Variants in CHUK observed in about 807,000 individuals in gnomAD.
CHUK encodes inhibitor of nuclear factor kappa-B kinase subunit alpha.
In CHUK, 35 loss-of-function variants were observed where a neutral mutation model predicts 104.8. The ratio of observed to expected loss-of-function variants is 0.33; its 90% CI spans 0.26 to 0.44. CHUK has a LOEUF of 0.44. CHUK is among the 20% of genes least tolerant of loss of function. The pLI, the probability that CHUK is intolerant of heterozygous loss-of-function variation, is 1.00. For synonymous variants in CHUK, 276 were observed against 291.9 expected, an observed-to-expected ratio of 0.95 and a Z score of 0.56; for missense variants, 663 against 902.7, an observed-to-expected ratio of 0.73 and a Z score of 3.40.
In CHUK at chr10:100,209,576, TTATAA is replaced by T; in HGVS notation, c.1128+14_1128+18del. Reference sequence around the variant, plus strand: ...CTAGATTTCACATACTCTAGGGATATTATAATTAATTTTCTTACAACTCCATCTAG... The same window carrying T: ...CTAGATTTCACATACTCTAGGGATATTTAATTTTCTTACAACTCCATCTAG... On this transcript the variant is annotated intron_variant, in intron 10 of 20. Coordinates refer to ENST00000370397, the MANE Select transcript of CHUK (RefSeq NM_001278.5). 1 of 1,463,446 alleles carries T rather than the reference TTATAA, an allele frequency of 6.8e-7. No homozygotes were observed. Among genetic ancestry groups the T allele is most frequent in the Non-Finnish European group, 9.6e-7 (1 of 1,042,896 alleles). The allele number at this position is 1,463,446 out of a possible 1,614,324, so 90.7% of individuals were successfully genotyped here. A position where few individuals can be genotyped will look rare whatever the true frequency, so the allele number is the denominator to read the frequency against.
At chr10:100,201,137 A>C (rs1845451574) in intron 14 of CHUK, among the ~76,000 whole-genome samples, 1 of 152,164 alleles carries the variant, frequency 6.6e-6, no homozygotes, top group Non-Finnish European at 1.5e-5. Flanking sequence ...TATGATTTTG[A>C]CTGCCCCCTG....
At chr10:100,193,217 A>C in intron 19 of CHUK, 81 bp downstream of exon 19, 1 of 1,489,808 alleles carries the variant, frequency 6.7e-7, no homozygotes, top group Non-Finnish European at 9.4e-7. Context: ...AAGGCACAGA[A>C]GACTACCTTA....
At chr10:100,222,267 G>A in intron 3 of CHUK, 86 bp from the exon 4 acceptor site, 1 of 719,184 alleles carries the variant, frequency 1.4e-6, no homozygotes, top group East Asian at 2.7e-5. Context: ...TACTCTAAAA[G>A]AATATTCAAA....
In CHUK at chr10:100,190,997, A is replaced by G. The variant is rs748521954; in HGVS notation, c.2109-29T>C. 4 of 1,310,528 alleles carry G rather than the reference A, an allele frequency of 3.1e-6. 1 individual carries two copies. Among genetic ancestry groups the G allele is most frequent in the South Asian group, 2.4e-5 (2 of 84,942 alleles). 81.2% of individuals were successfully genotyped at this position (1,310,528 alleles called of 1,614,324 possible). The stretch of plus-strand genomic sequence containing the variant: ...TGAGATGAAAGAACAAAGCCTTTTC[A>G]AACTCAGGAAAAGGGCATATGAATT... On this transcript the variant is annotated intron_variant, in intron 19 of 20. Transcript: ENST00000370397.
chr10:100,222,214 T>C, intron 3 of CHUK, 33 bp from the exon 4 acceptor site: 1 of 1,228,136 alleles, frequency 8.1e-7, no homozygotes, highest in Non-Finnish European at 1.2e-6. Flanking sequence ...AAATCTGTTC[T>C]GCAAATTGCT....
intron 1 of CHUK, among the ~76,000 whole-genome samples, chr10:100,228,164 AATT>A (rs1658400126): frequency 6.6e-6 from 1 of 152,212 alleles, no homozygotes; most frequent in African/African-American, 2.4e-5. Context: ...TGATGCATGT[AATT>A]ATTATACTAT....
intron 1 of CHUK, among the ~76,000 whole-genome samples, chr10:100,228,811 C>T (rs970261866): frequency 2.6e-5 from 4 of 152,084 alleles, no homozygotes; most frequent in Admixed American, 1.3e-4. Context: ...CTAATATAGC[C>T]TTTCGTTTGA....
At position 100,193,326 on chromosome 10, in the gene CHUK, G is replaced by C. The variant is rs113123384; in HGVS notation, c.2080C>G (p.Leu694Val). Residue 694 changes from leucine to valine, a missense_variant, in exon 19 of 21, where the codon CTG becomes GTG. By Grantham distance (32) the Leu-to-Val change is conservative. This residue lies in a region of CHUK where 311 missense variants were observed against 393.4 expected (regional missense o/e 0.79). Coordinates refer to ENST00000370397, the MANE Select transcript of CHUK (RefSeq NM_001278.5). ...PPTSAEHDHS[L>V]SCVVTPQDGE... The stretch of plus-strand genomic sequence containing the variant: ...TCTTGAGGAGTTACCACACATGACA[G>C]AGAATGATCATGTTCTGCTGAAGTC... 1.1e-5 allele frequency: 17 copies of C among 1,613,978 alleles called. No individual in the cohort carries two copies. The highest frequency in any genetic ancestry group is 1.7e-5 in the Admixed American group (1 of 60,000).
intron 12 of CHUK, 31 bp from the exon 13 acceptor site, chr10:100,204,688 A>T (rs761591030): frequency 4.5e-6 from 7 of 1,544,812 alleles, no homozygotes; most frequent in Non-Finnish European, 5.3e-6. Context: ...AAAGAAAAAG[A>T]AAAAAGATAT....
At position 100,209,967 on chromosome 10, in the gene CHUK, A is replaced by G. The variant is rs1052325161; in HGVS notation, c.934-178T>C. On this transcript the variant is annotated intron_variant, in intron 9 of 20. Coordinates refer to ENST00000370397, the MANE Select transcript of CHUK (RefSeq NM_001278.5). ...TATAAAATGACATTCTGAAAACTGA[A>G]CAATTTCCTTTTCTACAATAGATGT... is the stretch of plus-strand genomic sequence containing the variant. 2.0e-5 allele frequency among the ~76,000 whole-genome samples: 3 copies of G among 152,310 alleles called. No homozygotes were observed. The East Asian group carries it at 5.8e-4, about 29-fold the overall frequency.
At position 100,193,280 on chromosome 10, in the gene CHUK, G is replaced by A. The variant is rs775089461; in HGVS notation, c.2108+18C>T. 21 of 1,613,434 alleles carry A rather than the reference G, an allele frequency of 1.3e-5. No individual in the cohort carries two copies. Among genetic ancestry groups the A allele is most frequent in the Non-Finnish European group, 1.5e-5 (18 of 1,179,540 alleles). On this transcript the variant is annotated intron_variant, in intron 19 of 20. Coordinates refer to ENST00000370397, the MANE Select transcript of CHUK (RefSeq NM_001278.5). ...TGCTATGAAAACACAGCTATCTATT[G>A]TTACAAAGTAAACCCACCCATCTTG...
intron 7 of CHUK, 60 bp downstream of exon 7, chr10:100,218,948 A>T (rs1486729210): frequency 1.9e-6 from 3 of 1,596,592 alleles, no homozygotes; most frequent in African/African-American, 1.3e-5. Context: ...AGAAAAAAAA[A>T]GACAAATGAA....
In CHUK at chr10:100,210,097, T is replaced by A. The variant is rs962973113; in HGVS notation, c.934-308A>T. Among the ~76,000 whole-genome samples, 344 of 149,186 alleles carry A rather than the reference T, an allele frequency of 2.3e-3. 1 individual carries two copies. Among genetic ancestry groups the A allele is most frequent in the African/African-American group, 7.8e-3 (318 of 40,780 alleles). On this transcript the variant is annotated intron_variant, in intron 9 of 20. Coordinates refer to ENST00000370397, the MANE Select transcript of CHUK (RefSeq NM_001278.5). ...TTTATTTATTTATTTATTTATTTTT[T>A]TTTTTTTTGAGACGGAGTCTCGCTC... is the stretch of plus-strand genomic sequence containing the variant.
At position 100,213,664 on chromosome 10, in the gene CHUK, G is replaced by T. The variant is rs1845786810; in HGVS notation, c.934-3875C>A. ...AGCCTCCCGTGTAGCTGGGACTACA[G>T]GCATGCACCACCATCCCTGGCTAAT... is the stretch of plus-strand genomic sequence containing the variant. On this transcript the variant is annotated intron_variant, in intron 9 of 20. Transcript: ENST00000370397. Among the ~76,000 whole-genome samples, 3 of 152,054 alleles carry T rather than the reference G, an allele frequency of 2.0e-5. No individual in the cohort carries two copies. In the South Asian group the frequency reaches 6.2e-4, roughly 31 times the overall value.
intron 11 of CHUK, 121 bp downstream of exon 11, chr10:100,207,109 A>G (rs1589586372): frequency 4.4e-6 from 3 of 688,848 alleles, no homozygotes; most frequent in Non-Finnish European, 7.9e-6. Flanking sequence ...AACTCCATAT[A>G]GAAACTTCAA....
chr10:100,221,203 G>A (rs535246107), intron 4 of CHUK, among the ~76,000 whole-genome samples: 24 of 152,130 alleles, frequency 1.6e-4, no homozygotes, highest in Non-Finnish European at 3.1e-4. Flanking sequence ...TTGGGAGGCC[G>A]AGGCGGGCAG....
At position 100,207,430 on chromosome 10, in the gene CHUK, A is replaced by T. The variant is rs1845614117; in HGVS notation, c.1129-98T>A. On this transcript the variant is annotated intron_variant, in intron 10 of 20. Coordinates refer to ENST00000370397, the MANE Select transcript of CHUK (RefSeq NM_001278.5). ...CACCAGATTTCCTACTTTGAAATGC[A>T]AATGAACAAAATCAATGTGTATTAC... 4.3e-6 allele frequency: 3 copies of T among 692,204 alleles called. No individual in the cohort carries two copies. The East Asian group carries it at 8.0e-5, about 19-fold the overall frequency. The allele number at this position is 692,204 out of a possible 1,614,324, so 42.9% of individuals were successfully genotyped here. A position where few individuals can be genotyped will look rare whatever the true frequency, so the allele number is the denominator to read the frequency against.
At position 100,209,674 on chromosome 10, in the gene CHUK, C is replaced by G; in HGVS notation, c.1049G>C (p.Gly350Ala). The G allele has an allele frequency of 1.2e-6, 2 of 1,606,976 alleles. No homozygotes were observed. The highest frequency in any genetic ancestry group is 1.7e-6 in the Non-Finnish European group (2 of 1,173,608). ...TGTCTCTGAAAGAAGTTCTTGAGAA[C>G]CAGTATTTATTCCAGTTTCACGCTC... ...RIERETGINT[G>A]SQELLSETGI... The change falls in exon 10 of 21, where the codon GGT becomes GCT. Residue 350 changes from glycine (G) to alanine (A), a missense_variant. This residue lies in a region of CHUK where 93 missense variants were observed against 95.9 expected (regional missense o/e 0.97). Coordinates refer to ENST00000370397, the MANE Select transcript of CHUK (RefSeq NM_001278.5).
At position 100,229,545 on chromosome 10, in the gene CHUK, C is replaced by T; in HGVS notation, c.-13G>A. 13 of 1,506,768 alleles carry T rather than the reference C, an allele frequency of 8.6e-6. No individual in the cohort carries two copies. Among genetic ancestry groups the T allele is most frequent in the Non-Finnish European group, 1.2e-5 (13 of 1,123,684 alleles). The allele number at this position is 1,506,768 out of a possible 1,614,324, so 93.3% of individuals were successfully genotyped here. On this transcript the variant is annotated 5_prime_UTR_variant, in exon 1 of 21. Transcript: ENST00000370397. ...GGGGCCGCTCCATGGGGCGGGAGGG[C>T]AAGCGGCCTCAGGTTCCACAGTTGT...
Sources: gnomAD v4.1 joint callset for allele counts (sites outside exome capture counted in the v4.1 genomes callset) on GRCh38, gnomAD v4.1.1 for gene constraint, gnomAD v4.1.1 regional missense constraint, MANE v1.5 for transcripts, NCBI Gene and HGNC (gene_info 2026-07-23, HGNC 2026-07-21) for gene names.